TANC2: variants seen among roughly 807,000 people sequenced by gnomAD.
TANC2 encodes tetratricopeptide repeat, ankyrin repeat and coiled-coil containing 2.
Under a neutral mutation model 210.5 loss-of-function variants are expected in TANC2, and 26 were observed. The observed-to-expected ratio is 0.12, with a 90% confidence interval of 0.09 to 0.17. TANC2 has a LOEUF of 0.17. TANC2 is among the 10% of genes least tolerant of loss of function. The probability of loss-of-function intolerance (pLI) is 1.00; values close to 1 mark genes in which losing one functional copy is unlikely to be tolerated. For missense variants in TANC2, 2,129 were observed against 2,608.9 expected, an observed-to-expected ratio of 0.82 and a Z score of 4.01; for synonymous variants, 931 against 967.1, an observed-to-expected ratio of 0.96 and a Z score of 0.69.
intron 2 of TANC2, among the ~76,000 whole-genome samples, chr17:63,072,510 CTT>C (rs1491414175): frequency 2.6e-5 from 4 of 151,902 alleles, no homozygotes; most frequent in Non-Finnish European, 4.4e-5. Context: ...AATGTGGTAA[CTT>C]ATATAGTAAC....
At chr17:63,135,850 C>T (rs1250865929) in intron 4 of TANC2, among the ~76,000 whole-genome samples, 1 of 152,112 alleles carries the variant, frequency 6.6e-6, no homozygotes, top group African/African-American at 2.4e-5. Flanking sequence ...AAACCTAGTA[C>T]TCTTTAGATA....
At chr17:63,101,602 G>A (rs1214271880) in intron 4 of TANC2, among the ~76,000 whole-genome samples, 2 of 152,186 alleles carry the variant, frequency 1.3e-5, no homozygotes, top group African/African-American at 4.8e-5. Flanking sequence ...CACTGCTCTA[G>A]ATATGATAGA....
At chr17:63,426,455 T>G (rs1351892051) in exon 28 of TANC2, 3 of 152,056 alleles carry the variant, frequency 2.0e-5, no homozygotes, top group Non-Finnish European at 2.9e-5. Context: ...AATCACTGGG[T>G]TTTCATCAAC....
intron 1 of TANC2, among the ~76,000 whole-genome samples, chr17:62,985,531 C>T (rs147006220): frequency 3.3e-5 from 5 of 152,180 alleles, no homozygotes; most frequent in African/African-American, 1.2e-4. Context: ...TAAAGGTGTA[C>T]CATAAATCCT....
chr17:63,254,333 C>T (rs1243825391), intron 8 of TANC2, among the ~76,000 whole-genome samples: 2 of 151,714 alleles, frequency 1.3e-5, no homozygotes, highest in East Asian at 3.9e-4. Flanking sequence ...GATTTTGTAT[C>T]CTGCTACTTT....
At chr17:63,342,576 A>T (rs1170996973) in intron 12 of TANC2, among the ~76,000 whole-genome samples, 1 of 152,178 alleles carries the variant, frequency 6.6e-6, no homozygotes, top group Non-Finnish European at 1.5e-5. Flanking sequence ...GGAGATCAAG[A>T]CCATCCTGGC....
intron 7 of TANC2, among the ~76,000 whole-genome samples, chr17:63,203,912 T>C (rs921150761): frequency 2.0e-5 from 3 of 152,258 alleles, no homozygotes; most frequent in East Asian, 1.9e-4. Flanking sequence ...ATGACGAAAG[T>C]TGAGAAGACA....
In TANC2 at chr17:63,233,692, T is replaced by C. The variant is rs925091695; in HGVS notation, c.770-4122T>C. Among the ~76,000 whole-genome samples the C allele has an allele frequency of 7.9e-5, 12 of 152,374 alleles. No homozygotes were observed. In the East Asian group the frequency reaches 2.3e-3, roughly 29 times the overall value. On this transcript the variant is annotated intron_variant, in intron 7 of 27. Transcript: ENST00000689528. ...TCTTGGCCCCTCCGGCCTGTTGTTG[T>C]TTTTTAGAGAGCCAAGATGTTAAAC...
chr17:63,056,728 T>C (rs1330478378), intron 2 of TANC2, among the ~76,000 whole-genome samples: 1 of 152,160 alleles, frequency 6.6e-6, no homozygotes, highest in East Asian at 1.9e-4. Context: ...TGTGTCAAAA[T>C]TGGTGACTTT....
chr17:63,147,652 A>G (rs1424317307), intron 4 of TANC2, among the ~76,000 whole-genome samples: 2 of 152,172 alleles, frequency 1.3e-5, no homozygotes, highest in African/African-American at 4.8e-5. Flanking sequence ...CCCAGGTGAT[A>G]TTATACTGCT....
At chr17:63,339,689 T>C (rs2046161621) in intron 11 of TANC2, among the ~76,000 whole-genome samples, 2 of 152,222 alleles carry the variant, frequency 1.3e-5, no homozygotes. Flanking sequence ...AACATGATTT[T>C]TCTTGGATTA....
chr17:63,275,764 G>T (rs2043852480), intron 9 of TANC2, among the ~76,000 whole-genome samples: 1 of 152,108 alleles, frequency 6.6e-6, no homozygotes. Context: ...TGGGTAGATT[G>T]TAAGTTTTAG....
rs531267131 is a variant in TANC2 at position 63,004,946 on chromosome 17, A to G, written c.-23-4591A>G. 1.6e-4 allele frequency: 33 copies of G among 207,446 alleles called. No homozygotes were observed. The East Asian group carries it at 4.7e-3, about 30-fold the overall frequency. 12.9% of individuals were successfully genotyped at this position (207,446 alleles called of 1,614,324 possible). The stretch of plus-strand genomic sequence containing the variant: ...TCTCGTTTAGTATCTATCCCCTTCA[A>G]TCCTTCTCGTGGGCATGGTGGCATC... On this transcript the variant is annotated intron_variant, in intron 1 of 27. Transcript: ENST00000689528.
intron 19 of TANC2, among the ~76,000 whole-genome samples, chr17:63,402,592 G>C (rs1340259357): frequency 1.3e-5 from 2 of 152,160 alleles, no homozygotes; most frequent in African/African-American, 4.8e-5. Context: ...TTTAGTGTCA[G>C]CATCCCATCC....
At chr17:62,982,650 A>T (rs1409184952) in intron 1 of TANC2, among the ~76,000 whole-genome samples, 1 of 152,050 alleles carries the variant, frequency 6.6e-6, no homozygotes, top group Admixed American at 6.6e-5. Context: ...GACTCCAATA[A>T]TCCTTTAATC....
chr17:62,980,915 T>G (rs1487542733), intron 1 of TANC2, among the ~76,000 whole-genome samples: 2 of 152,196 alleles, frequency 1.3e-5, no homozygotes, highest in African/African-American at 2.4e-5. Flanking sequence ...AGCCTGTCAT[T>G]ACACTTGCTC....
intron 5 of TANC2, among the ~76,000 whole-genome samples, chr17:63,167,909 AGAAAAG>A (rs2040269338): frequency 7.4e-6 from 1 of 135,108 alleles, no homozygotes; most frequent in Non-Finnish European, 1.6e-5. Context: ...AAAAAAAAAA[AGAAAAG>A]GAAAGAAAAA....
At chr17:63,108,014 GA>G (rs2037892432) in intron 4 of TANC2, among the ~76,000 whole-genome samples, 1 of 151,706 alleles carries the variant, frequency 6.6e-6, no homozygotes, top group Non-Finnish European at 1.5e-5. Flanking sequence ...CAATGAAAGG[GA>G]AAGTTGATGA....
chr17:63,242,055 A>G (rs552576857), intron 8 of TANC2, among the ~76,000 whole-genome samples: 1 of 152,126 alleles, frequency 6.6e-6, no homozygotes, highest in Non-Finnish European at 1.5e-5. Context: ...AGGAATTTTC[A>G]TTTTGGTGGT....
Sources: allele counts gnomAD v4.1 joint callset (sites outside exome capture counted in the v4.1 genomes callset), GRCh38; gene constraint gnomAD v4.1.1; transcripts MANE v1.5; gene names NCBI Gene and HGNC (gene_info 2026-07-23, HGNC 2026-07-21).